Variants in SERPINI1 observed in about 807,000 individuals in gnomAD.
SERPINI1 encodes the protein serpin family I member 1, also known as neuroserpin.
SERPINI1 carries 19 observed loss-of-function variants against 41.1 expected under a neutral mutation model. The observed-to-expected ratio is 0.46, with a 90% CI of 0.32 to 0.68. The LOEUF (loss-of-function observed/expected upper bound fraction) is 0.68. Ranked by LOEUF, SERPINI1 falls within the 30% of genes least tolerant of loss-of-function variation. The pLI is 0.03. For missense variants in SERPINI1, 460 were observed against 479.2 expected, an observed-to-expected ratio of 0.96 and a Z score of 0.37; for synonymous variants, 138 against 156.6, an observed-to-expected ratio of 0.88 and a Z score of 0.89.
At position 167,736,744 on chromosome 3, in the gene SERPINI1, T is replaced by A. The variant is rs188028179; in HGVS notation, c.-19+921T>A. Among the ~76,000 whole-genome samples, 11 of 152,350 alleles carry A rather than the reference T, an allele frequency of 7.2e-5. No homozygotes were observed. In the East Asian group the frequency reaches 1.9e-3, roughly 27 times the overall value. On this transcript the variant is annotated intron_variant, in intron 1 of 8. Transcript: ENST00000446050. Reference sequence around the variant, plus strand: ...ACTATATGTGCATTCAAAGCAACGTTAATTGTAATACCTATGGATGGAAAT... The same window carrying A: ...ACTATATGTGCATTCAAAGCAACGTAAATTGTAATACCTATGGATGGAAAT...
At chr3:167,781,466 G>A (rs760781994) in intron 1 of SERPINI1, among the ~76,000 whole-genome samples, 6 of 151,456 alleles carry the variant, frequency 4.0e-5, no homozygotes, top group Non-Finnish European at 5.9e-5. Context: ...TTTTTTTGCC[G>A]CCACCCCAAT....
intron 1 of SERPINI1, among the ~76,000 whole-genome samples, chr3:167,766,572 T>C (rs556385359): frequency 6.6e-6 from 1 of 152,224 alleles, no homozygotes; most frequent in Non-Finnish European, 1.5e-5. Flanking sequence ...AAAGCTGAGA[T>C]AGGCCAAAAG....
chr3:167,777,896 A>C, intron 1 of SERPINI1, among the ~76,000 whole-genome samples: 1 of 152,126 alleles, frequency 6.6e-6, no homozygotes, highest in South Asian at 2.1e-4. Context: ...GGAATGGATT[A>C]ATGCTGTTAT....
At chr3:167,789,580 A>T (rs933833457) in intron 2 of SERPINI1, among the ~76,000 whole-genome samples, 15 of 152,256 alleles carry the variant, frequency 9.9e-5, no homozygotes, top group Non-Finnish European at 2.1e-4. Flanking sequence ...TAAGGAAATT[A>T]CATCTTTTAA....
At chr3:167,810,670 G>A (rs1711843768) in intron 6 of SERPINI1, among the ~76,000 whole-genome samples, 1 of 152,188 alleles carries the variant, frequency 6.6e-6, no homozygotes, top group Non-Finnish European at 1.5e-5. Context: ...GGTGGTTGCT[G>A]AAGGATGGAG....
chr3:167,822,885 G>A, intron 6 of SERPINI1, 101 bp from the exon 7 acceptor site: 3 of 715,806 alleles, frequency 4.2e-6, no homozygotes, highest in Non-Finnish European at 7.7e-6. Context: ...GTTTTCTTCA[G>A]TATCCCAGTC....
chr3:167,821,975 C>T (rs1397197387), intron 6 of SERPINI1, among the ~76,000 whole-genome samples: 2 of 152,186 alleles, frequency 1.3e-5, no homozygotes, highest in African/African-American at 2.4e-5. Flanking sequence ...TTAAAGCCCT[C>T]AGCTGATTGG....
At chr3:167,749,029 C>T (rs969977585) in intron 1 of SERPINI1, among the ~76,000 whole-genome samples, 4 of 152,038 alleles carry the variant, frequency 2.6e-5, no homozygotes, top group South Asian at 2.1e-4. Context: ...GAGCTGAAAA[C>T]GTAAAGCATT....
At chr3:167,812,551 G>A (rs889480143) in intron 6 of SERPINI1, among the ~76,000 whole-genome samples, 1 of 152,020 alleles carries the variant, frequency 6.6e-6, no homozygotes, top group Non-Finnish European at 1.5e-5. Flanking sequence ...TTTCTTTATG[G>A]CACATATATC....
intron 1 of SERPINI1, among the ~76,000 whole-genome samples, chr3:167,785,015 G>A (rs1480791645): frequency 6.6e-6 from 1 of 152,150 alleles, no homozygotes; most frequent in Non-Finnish European, 1.5e-5. Flanking sequence ...GGCCGAGGCG[G>A]GTGGATCATG....
At chr3:167,814,134 CTTAG>C (rs1711988346) in intron 6 of SERPINI1, among the ~76,000 whole-genome samples, 1 of 152,300 alleles carries the variant, frequency 6.6e-6, no homozygotes, top group East Asian at 1.9e-4. Context: ...ATCTTGTTAG[CTTAG>C]TTATACTTAC....
rs968110412 is a variant in SERPINI1 at position 167,763,160 on chromosome 3, G to A, written c.-18-25951G>A. Among the ~76,000 whole-genome samples, 4 of 152,104 alleles carry A rather than the reference G, an allele frequency of 2.6e-5. No homozygotes were observed. In the East Asian group the frequency reaches 5.8e-4, roughly 22 times the overall value. On this transcript the variant is annotated intron_variant, in intron 1 of 8. Transcript: ENST00000446050. The stretch of plus-strand genomic sequence containing the variant: ...AGGTCCTGGTAGTCCTAAGTGGGTC[G>A]GATGTGGTTTCTGTTCCTCATGGAG...
chr3:167,747,534 C>G (rs1725896799), intron 1 of SERPINI1, among the ~76,000 whole-genome samples: 1 of 152,140 alleles, frequency 6.6e-6, no homozygotes, highest in Non-Finnish European at 1.5e-5. Context: ...GTTCCAGCTA[C>G]TCGAGAGGCT....
chr3:167,792,693 G>A lies in SERPINI1; in HGVS notation c.585G>A (p.Arg195=), dbSNP rs976025763. 3.1e-6 allele frequency: 5 copies of A among 1,613,812 alleles called. No homozygotes were observed. The highest frequency in any genetic ancestry group is 1.3e-5 in the African/African-American group (1 of 75,008). ...YFKGNWKSQF[R]PENTRTFSFT... is the part of the protein sequence containing the mutation. ...AGGGGAACTGGAAGTCGCAGTTTAGGCCTGAAAATACTAGAACCTTTTCTT... is the reference window on the plus strand; with the variant it reads ...AGGGGAACTGGAAGTCGCAGTTTAGACCTGAAAATACTAGAACCTTTTCTT... The change falls in exon 4 of 9, where the codon AGG becomes AGA. Residue 195 remains arginine (R), a synonymous_variant. Coordinates refer to ENST00000446050, the MANE Select transcript of SERPINI1 (RefSeq NM_001122752.2).
Position 167,792,794 on chromosome 3 carries a change from T to C in SERPINI1, c.676+10T>C. On this transcript the variant is annotated intron_variant, in intron 4 of 8. Coordinates refer to ENST00000446050, the MANE Select transcript of SERPINI1 (RefSeq NM_001122752.2). ...GGAGAATTTTATTATGGTAAGACAT[T>C]TTTTGCTTTTATTTCTCTCTTCTTG... is the stretch of plus-strand genomic sequence containing the variant. 1 of 1,610,262 alleles carries C rather than the reference T, an allele frequency of 6.2e-7. No individual in the cohort carries two copies. Among genetic ancestry groups the C allele is most frequent in the African/African-American group, 1.3e-5 (1 of 74,918 alleles).
At chr3:167,781,634 C>CTTTTTTTTT (rs757785091) in intron 1 of SERPINI1, among the ~76,000 whole-genome samples, 1 of 81,752 alleles carries the variant, frequency 1.2e-5, no homozygotes, top group Non-Finnish European at 2.4e-5. Flanking sequence ...TTCTTTTGGC[C>CTTTTTTTTT]TTTTTTTTTT....
intron 5 of SERPINI1, among the ~76,000 whole-genome samples, chr3:167,801,251 G>T (rs549761843): frequency 1.3e-5 from 2 of 152,176 alleles, no homozygotes; most frequent in African/African-American, 4.8e-5. Context: ...TTGTTCTGCA[G>T]GTCTTCAAAC....
intron 6 of SERPINI1, among the ~76,000 whole-genome samples, chr3:167,815,006 G>A (rs1481228335): frequency 6.6e-6 from 1 of 152,200 alleles, no homozygotes; most frequent in East Asian, 1.9e-4. Context: ...TAACCAACAA[G>A]ACAAGCTCAT....
intron 6 of SERPINI1, among the ~76,000 whole-genome samples, chr3:167,817,525 C>T (rs1227304212): frequency 6.6e-6 from 1 of 151,928 alleles, no homozygotes; most frequent in African/African-American, 2.4e-5. Context: ...GATTCAATTA[C>T]TTTAATGGTT....
Sources: gnomAD v4.1 joint callset for allele counts (sites outside exome capture counted in the v4.1 genomes callset) on GRCh38, gnomAD v4.1.1 for gene constraint, MANE v1.5 for transcripts, NCBI Gene and HGNC (gene_info 2026-07-23, HGNC 2026-07-21) for gene names.